Variants in ELL observed in about 807,000 individuals in gnomAD.
The protein encoded by ELL is elongation factor for RNA polymerase II, also known as RNA polymerase II elongation factor ELL.
Under a neutral mutation model 64.0 loss-of-function variants are expected in ELL, and 18 were observed. The observed-to-expected ratio is 0.28, with a 90% confidence interval of 0.19 to 0.42. The LOEUF (loss-of-function observed/expected upper bound fraction) is 0.42, where lower values mean the gene tolerates loss of function less well. ELL is among the 10% of genes least tolerant of loss of function. The pLI is 1.00. For synonymous variants in ELL, 399 were observed against 376.2 expected (o/e 1.06, Z -0.70); for missense variants, 797 against 870.4 (o/e 0.92, Z 1.06).
rs118004652 is a variant in ELL, at chr19:18,488,394, C to A, written c.136-15512G>T. 3.5e-4 allele frequency among the ~76,000 whole-genome samples: 54 copies of A among 152,328 alleles called. No individual in the cohort carries two copies. The East Asian group carries it at 6.2e-3, about 17-fold the overall frequency. ...ACACAGCAGGAAGCACGTGGCACTG[C>A]CAAGCTGGATAGGAGCTGCAGAGGC... is the stretch of plus-strand genomic sequence containing the variant. On this transcript the variant is annotated intron_variant, in intron 1 of 11. Transcript: ENST00000262809.
At chr19:18,487,978 C>T (rs996839652) in intron 1 of ELL, among the ~76,000 whole-genome samples, 4 of 152,180 alleles carry the variant, frequency 2.6e-5, no homozygotes, top group African/African-American at 4.8e-5. Flanking sequence ...CTGTGCCTGC[C>T]GGCCCCACCT....
rs551559700 is a variant in ELL at position 18,477,005 on chromosome 19, G to T, written c.136-4123C>A. ...ACCCTACAGACACGTGAAGCAGCAG[G>T]AAAACGAGACTCCTAAGCCAGGGGG... On this transcript the variant is annotated intron_variant, in intron 1 of 11. Coordinates refer to ENST00000262809, the MANE Select transcript of ELL (RefSeq NM_006532.4). Among the ~76,000 whole-genome samples the T allele has an allele frequency of 3.7e-4, 56 of 152,294 alleles. 1 individual carries two copies. The highest frequency in any genetic ancestry group is 9.8e-4 in the Admixed American group (15 of 15,298).
intron 1 of ELL, among the ~76,000 whole-genome samples, chr19:18,508,537 G>C (rs189114525): frequency 4.6e-5 from 7 of 152,308 alleles, no homozygotes; most frequent in Non-Finnish European, 7.3e-5. Flanking sequence ...CAACAGCAAG[G>C]CTTCACAGGG....
intron 10 of ELL, among the ~76,000 whole-genome samples, chr19:18,445,748 G>A (rs902925767): frequency 5.3e-5 from 8 of 152,170 alleles, no homozygotes; most frequent in Non-Finnish European, 1.5e-5. Context: ...AAGGTGGCAG[G>A]TGGGGCGGCT....
chr19:18,511,237 A>G (rs1230887672), intron 1 of ELL, among the ~76,000 whole-genome samples: 2 of 150,648 alleles, frequency 1.3e-5, no homozygotes, highest in East Asian at 3.9e-4. Flanking sequence ...ACTGCACTCC[A>G]GCCTGGGTGA....
intron 1 of ELL, among the ~76,000 whole-genome samples, chr19:18,518,281 C>A (rs1976171979): frequency 6.6e-6 from 1 of 152,086 alleles, no homozygotes; most frequent in Admixed American, 6.6e-5. Flanking sequence ...AGGGAAATCA[C>A]TTGAGCCCCG....
intron 2 of ELL, among the ~76,000 whole-genome samples, chr19:18,467,938 AC>A (rs1184662786): frequency 7.5e-6 from 1 of 133,476 alleles, no homozygotes; most frequent in Non-Finnish European, 1.6e-5. Context: ...CACACACAAT[AC>A]CCAACACATA....
intron 1 of ELL, among the ~76,000 whole-genome samples, chr19:18,473,754 A>T (rs1975114672): frequency 6.6e-6 from 1 of 151,856 alleles, no homozygotes; most frequent in Non-Finnish European, 1.5e-5. Context: ...CCCAGATGCT[A>T]CCCCACAGCA....
chr19:18,454,154 G>A (rs1281817097), intron 6 of ELL, among the ~76,000 whole-genome samples: 1 of 152,154 alleles, frequency 6.6e-6, no homozygotes, highest in Non-Finnish European at 1.5e-5. Flanking sequence ...ACTTTAAATG[G>A]ATGACTTGTG....
At chr19:18,513,851 A>T (rs1976077907) in intron 1 of ELL, among the ~76,000 whole-genome samples, 1 of 152,108 alleles carries the variant, frequency 6.6e-6, no homozygotes, top group South Asian at 2.1e-4. Flanking sequence ...GAATGGCATG[A>T]ACCTGGGAGG....
intron 1 of ELL, among the ~76,000 whole-genome samples, chr19:18,507,179 C>T (rs1258834336): frequency 6.6e-6 from 1 of 152,206 alleles, no homozygotes; most frequent in Non-Finnish European, 1.5e-5. Context: ...ATAGTGCCAC[C>T]AGGAGAGGAA....
chr19:18,492,902 C>A (rs529049316), intron 1 of ELL, among the ~76,000 whole-genome samples: 15 of 152,054 alleles, frequency 9.9e-5, no homozygotes, highest in Admixed American at 3.3e-4. Flanking sequence ...GGCCAGGCTG[C>A]GATGACACCA....
chr19:18,460,453 C>A (rs1974781594), intron 5 of ELL, among the ~76,000 whole-genome samples: 1 of 152,236 alleles, frequency 6.6e-6, no homozygotes, highest in African/African-American at 2.4e-5. Context: ...GGCACCAGCA[C>A]AGACACCTCC....
intron 1 of ELL, among the ~76,000 whole-genome samples, chr19:18,486,502 CGGT>C (rs1267748963): frequency 1.3e-5 from 2 of 152,086 alleles, no homozygotes; most frequent in Non-Finnish European, 2.9e-5. Flanking sequence ...CTTCCTCCTC[CGGT>C]GGTCGGCCAC....
intron 1 of ELL, among the ~76,000 whole-genome samples, chr19:18,517,904 AAGG>A (rs1002617194): frequency 6.7e-6 from 1 of 148,578 alleles, no homozygotes; most frequent in African/African-American, 2.5e-5. Flanking sequence ...AAAAAAAAAG[AAGG>A]AGAAGAAGAA....
intron 5 of ELL, among the ~76,000 whole-genome samples, chr19:18,459,068 T>A (rs1264878142): frequency 6.6e-6 from 1 of 152,090 alleles, no homozygotes; most frequent in East Asian, 1.9e-4. Context: ...TTTGTATAGA[T>A]AGGATCTCAG....
At chr19:18,521,845 G>A (rs1212066982) in intron 1 of ELL, 76 bp downstream of exon 1, 13 of 1,496,546 alleles carry the variant, frequency 8.7e-6, no homozygotes, top group South Asian at 1.2e-5. Context: ...GAGCCCGGAC[G>A]CCTCAGTGAG....
chr19:18,521,997 C>T lies in ELL; in HGVS notation c.59G>A (p.Gly20Asp), dbSNP rs760399410. 2.5e-6 allele frequency: 4 copies of T among 1,611,280 alleles called. No individual in the cohort carries two copies. The highest frequency in any genetic ancestry group is 1.1e-5 in the South Asian group (1 of 90,874). Residue 20 changes from glycine (G) to aspartate (D), a missense_variant, in exon 1 of 12, where the codon GGC becomes GAC. Transcript: ENST00000262809. Reference sequence around the variant, plus strand: ...CACGTGGAACACCGACACCTTGCTGCCGTCGCTAACCCGCCCGCACGACAG... The same window carrying T: ...CACGTGGAACACCGACACCTTGCTGTCGTCGCTAACCCGCCCGCACGACAG... ...YGLSCGRVSD[G>D]SKVSVFHVKL...
At chr19:18,467,498 A>G (rs993049687) in intron 2 of ELL, among the ~76,000 whole-genome samples, 14 of 152,086 alleles carry the variant, frequency 9.2e-5, no homozygotes, top group African/African-American at 3.1e-4. Flanking sequence ...ACCTGAACAC[A>G]AACACACATC....
Sources: allele counts gnomAD v4.1 joint callset (sites outside exome capture counted in the v4.1 genomes callset), GRCh38; gene constraint gnomAD v4.1.1; transcripts MANE v1.5; gene names NCBI Gene and HGNC (gene_info 2026-07-23, HGNC 2026-07-21).